MAD1L1: variants seen among roughly 807,000 people sequenced by gnomAD.
The protein encoded by MAD1L1 is mitotic arrest deficient 1 like 1.
Under a neutral mutation model 96.9 loss-of-function variants are expected in MAD1L1, and 95 were observed. That is an observed-to-expected ratio of 0.98 (90% CI 0.83 to 1.16). The LOEUF is 1.16. Ranked by LOEUF, MAD1L1 falls within the 50% of genes most tolerant of loss-of-function variation. MAD1L1 has a pLI of 0.00. For missense variants in MAD1L1, 1,007 were observed against 954.4 expected, an observed-to-expected ratio of 1.06 and a Z score of -0.73; for synonymous variants, 473 against 396.6, an observed-to-expected ratio of 1.19 and a Z score of -2.29.
At chr7:2,127,233 G>A (rs890829282) in intron 11 of MAD1L1, among the ~76,000 whole-genome samples, 1 of 152,138 alleles carries the variant, frequency 6.6e-6, no homozygotes, top group Non-Finnish European at 1.5e-5. Context: ...AGACGTCCCC[G>A]CCCTCCCCTA....
chr7:1,866,012 G>T (rs907995025), intron 18 of MAD1L1, among the ~76,000 whole-genome samples: 3 of 152,240 alleles, frequency 2.0e-5, no homozygotes, highest in African/African-American at 7.2e-5. Context: ...GGTGGTCCTG[G>T]GTCTGGAGAA....
chr7:1,837,513 T>C (rs1583507330), intron 18 of MAD1L1, among the ~76,000 whole-genome samples: 1 of 152,358 alleles, frequency 6.6e-6, no homozygotes, highest in African/African-American at 2.4e-5. Flanking sequence ...CTGTACACTT[T>C]ATTTGCAACA....
chr7:2,008,071 G>A (rs565655772), intron 13 of MAD1L1, among the ~76,000 whole-genome samples: 69 of 152,334 alleles, frequency 4.5e-4, no homozygotes, highest in Admixed American at 1.4e-3. Flanking sequence ...GGAAACTGAC[G>A]GTCAACATGG....
chr7:2,164,803 C>CA (rs1554401143), intron 10 of MAD1L1, among the ~76,000 whole-genome samples: 1 of 152,172 alleles, frequency 6.6e-6, no homozygotes. Flanking sequence ...GACAAACAGA[C>CA]AGAGTCCTTG....
chr7:1,917,862 T>C (rs995962434), intron 17 of MAD1L1, among the ~76,000 whole-genome samples: 2 of 152,136 alleles, frequency 1.3e-5, no homozygotes, highest in Non-Finnish European at 2.9e-5. Context: ...CTATCTCTGG[T>C]TCCCCAGGAA....
intron 17 of MAD1L1, among the ~76,000 whole-genome samples, chr7:1,903,580 G>A (rs28520431): frequency 0.054 from 7,491 of 137,656 alleles, 816 homozygotes; most frequent in African/African-American, 0.23. Context: ...CACTGTTCCA[G>A]GCAGCGAGCA....
At chr7:2,102,318 A>ACCG (rs1180893307) in intron 11 of MAD1L1, among the ~76,000 whole-genome samples, 3 of 149,136 alleles carry the variant, frequency 2.0e-5, no homozygotes, top group Non-Finnish European at 4.5e-5. Flanking sequence ...CGTCACCATC[A>ACCG]CCGCCGTCAC....
chr7:1,919,192 G>A (rs1294060201), intron 17 of MAD1L1, among the ~76,000 whole-genome samples: 1 of 152,144 alleles, frequency 6.6e-6, no homozygotes, highest in African/African-American at 2.4e-5. Flanking sequence ...TTTCTCAAAT[G>A]GGGAAGCTGA....
intron 16 of MAD1L1, among the ~76,000 whole-genome samples, chr7:1,947,277 C>G (rs547345770): frequency 4.8e-4 from 73 of 152,342 alleles, no homozygotes; most frequent in African/African-American, 1.7e-3. Context: ...CCAGCAAGGC[C>G]CAGGCAATAC....
chr7:2,147,427 C>T (rs542555098), intron 11 of MAD1L1, among the ~76,000 whole-genome samples: 7 of 152,344 alleles, frequency 4.6e-5, no homozygotes, highest in South Asian at 2.1e-4. Flanking sequence ...ATAAGCCACA[C>T]GTGGGACAGA....
intron 18 of MAD1L1, among the ~76,000 whole-genome samples, chr7:1,879,809 C>G (rs1226750391): frequency 6.6e-6 from 1 of 152,144 alleles, no homozygotes; most frequent in Non-Finnish European, 1.5e-5. Flanking sequence ...CGGCTCACTG[C>G]AAGCTCCTCC....
At position 1,938,899 on chromosome 7, in the gene MAD1L1, G is replaced by GCA. The variant is rs1491290722; in HGVS notation, c.1597-2003_1597-2002insTG. ...ACACAGTCCAGGGCCGGGGCCAGAG[G>GCA]CGCGCACACACACACACACACACAC... On this transcript the variant is annotated intron_variant, in intron 16 of 18. Coordinates refer to ENST00000265854, the MANE Select transcript of MAD1L1 (RefSeq NM_001013836.2). Among the ~76,000 whole-genome samples the GCA allele has an allele frequency of 1.2e-3, 69 of 57,838 alleles. 1 individual carries two copies. The highest frequency in any genetic ancestry group is 6.0e-3 in the Admixed American group (31 of 5,170). 37.9% of individuals were successfully genotyped at this position (57,838 alleles called of 152,430 possible). A position where few individuals can be genotyped will look rare whatever the true frequency, so the allele number is the denominator to read the frequency against.
At chr7:1,853,665 C>T (rs575010750) in intron 18 of MAD1L1, among the ~76,000 whole-genome samples, 19 of 152,292 alleles carry the variant, frequency 1.2e-4, no homozygotes, top group Non-Finnish European at 2.4e-4. Flanking sequence ...TCCCTCTGCA[C>T]GGGGGCCCCC....
chr7:2,227,896 G>A (rs572059381), intron 3 of MAD1L1, among the ~76,000 whole-genome samples: 10 of 152,270 alleles, frequency 6.6e-5, no homozygotes, highest in South Asian at 4.1e-4. Context: ...TGACTACAAC[G>A]GAAAGAAAGG....
intron 11 of MAD1L1, among the ~76,000 whole-genome samples, chr7:2,085,080 A>G (rs963989265): frequency 2.0e-5 from 3 of 152,188 alleles, no homozygotes; most frequent in Admixed American, 6.5e-5. Context: ...GTGATGAGCA[A>G]GAATTCAACG....
intron 18 of MAD1L1, among the ~76,000 whole-genome samples, chr7:1,879,300 A>C (rs1041138229): frequency 1.4e-4 from 21 of 152,060 alleles, no homozygotes; most frequent in African/African-American, 4.6e-4. Context: ...TACTAAAAAT[A>C]AAAACTTAGC....
intron 18 of MAD1L1, among the ~76,000 whole-genome samples, chr7:1,879,311 C>T (rs1405544464): frequency 7.2e-5 from 11 of 151,900 alleles, no homozygotes; most frequent in South Asian, 2.1e-4. Context: ...AAAACTTAGC[C>T]GGGTGTGGTG....
Position 1,957,521 on chromosome 7 carries a change from G to A in MAD1L1, c.1596+108C>T, listed in dbSNP as rs11980859. On this transcript the variant is annotated intron_variant, in intron 16 of 18. Coordinates refer to ENST00000265854, the MANE Select transcript of MAD1L1 (RefSeq NM_001013836.2). The stretch of plus-strand genomic sequence containing the variant: ...GGGAGGGAGGAGAGTTCAGACAGAC[G>A]AGCCAGAAAACGGGTGTTCTGTGGC... The A allele has an allele frequency of 1.0e-3, 1,094 of 1,088,720 alleles. 8 individuals are homozygous for A. The African/African-American group carries it at 0.015, about 15-fold the overall frequency. 67.4% of individuals were successfully genotyped at this position (1,088,720 alleles called of 1,614,324 possible). A position where few individuals can be genotyped will look rare whatever the true frequency, so the allele number is the denominator to read the frequency against.
chr7:1,990,289 T>C (rs1462913138), intron 14 of MAD1L1, among the ~76,000 whole-genome samples: 2 of 152,132 alleles, frequency 1.3e-5, no homozygotes, highest in Non-Finnish European at 2.9e-5. Flanking sequence ...CTCCAAGAGA[T>C]GAGAGGGTGC....
Sources: gnomAD v4.1 joint callset for allele counts (sites outside exome capture counted in the v4.1 genomes callset) on GRCh38, gnomAD v4.1.1 for gene constraint, MANE v1.5 for transcripts, NCBI Gene and HGNC (gene_info 2026-07-23, HGNC 2026-07-21) for gene names.